BCR: variants seen among roughly 807,000 people sequenced by gnomAD.
BCR encodes breakpoint cluster region protein.
BCR carries 58 observed loss-of-function variants against 138.6 expected under a neutral mutation model. That is an observed-to-expected ratio of 0.42 (90% CI 0.34 to 0.52). The LOEUF is 0.52. Ranked by LOEUF, BCR falls within the 20% of genes least tolerant of loss-of-function variation. The pLI is 0.06. For synonymous variants in BCR, 786 were observed against 730.1 expected (o/e 1.08, Z -1.23); for missense variants, 1,599 against 1,727.2 (o/e 0.93, Z 1.32).
At chr22:23,182,977 G>C (rs1261280974) in intron 1 of BCR, among the ~76,000 whole-genome samples, 1 of 152,156 alleles carries the variant, frequency 6.6e-6, no homozygotes. Flanking sequence ...TTCACCACCA[G>C]GCTCCTCCAT....
At chr22:23,296,000 A>G (rs2073841047) in intron 16 of BCR, among the ~76,000 whole-genome samples, 1 of 151,934 alleles carries the variant, frequency 6.6e-6, no homozygotes, top group African/African-American at 2.4e-5. Context: ...TTGGCTTTCC[A>G]CATGCCCCTA....
At chr22:23,209,057 C>T (rs2072650085) in intron 1 of BCR, among the ~76,000 whole-genome samples, 1 of 151,936 alleles carries the variant, frequency 6.6e-6, no homozygotes, top group Non-Finnish European at 1.5e-5. Context: ...TTGTAGCATG[C>T]ATTAGAATCT....
intron 1 of BCR, among the ~76,000 whole-genome samples, chr22:23,237,514 T>A (rs1463588098): frequency 6.6e-6 from 1 of 152,240 alleles, no homozygotes; most frequent in Non-Finnish European, 1.5e-5. Flanking sequence ...CTCTCTCTCC[T>A]CTTGCATCTG....
intron 4 of BCR, chr22:23,262,941 A>C: frequency 9.2e-7 from 1 of 1,081,400 alleles, no homozygotes; most frequent in Non-Finnish European, 1.1e-6. Flanking sequence ...GGGAGGCGGA[A>C]GCGTGGAGGA....
intron 7 of BCR, among the ~76,000 whole-genome samples, chr22:23,273,372 C>T (rs994653477): frequency 6.6e-6 from 1 of 152,156 alleles, no homozygotes; most frequent in Non-Finnish European, 1.5e-5. Context: ...GTTGAGAAAC[C>T]CTGCCCTAGA....
chr22:23,263,233 T>C, intron 4 of BCR: 1 of 1,018,002 alleles, frequency 9.8e-7, no homozygotes, highest in African/African-American at 1.6e-5. Context: ...CCGGAAGTGC[T>C]GCTGCTGCAC....
At chr22:23,309,130 C>CG (rs1268212487) in intron 16 of BCR, among the ~76,000 whole-genome samples, 3 of 151,840 alleles carry the variant, frequency 2.0e-5, no homozygotes, top group Non-Finnish European at 4.4e-5. Flanking sequence ...TGATGGAAGC[C>CG]GGATGGAGAG....
chr22:23,234,419 A>AG (rs930569876), intron 1 of BCR, among the ~76,000 whole-genome samples: 24 of 152,302 alleles, frequency 1.6e-4, no homozygotes, highest in African/African-American at 5.8e-4. Flanking sequence ...TGGCCTGAGG[A>AG]GGGACCAGAC....
chr22:23,187,265 G>T, intron 1 of BCR, among the ~76,000 whole-genome samples: 1 of 147,436 alleles, frequency 6.8e-6, no homozygotes. Flanking sequence ...TTTTTTTTAA[G>T]TGGCTTAAAA....
intron 1 of BCR, among the ~76,000 whole-genome samples, chr22:23,188,223 C>A (rs977858648): frequency 1.3e-5 from 2 of 152,190 alleles, no homozygotes; most frequent in Non-Finnish European, 1.5e-5. Context: ...GAAGCAGAGT[C>A]TAGATCAAAT....
At chr22:23,313,916 A>T in intron 20 of BCR, 52 bp from the exon 21 acceptor site, 1 of 1,446,068 alleles carries the variant, frequency 6.9e-7, no homozygotes. Context: ...ACACCTCGGG[A>T]GAGGTCTCTG....
chr22:23,206,551 T>TG (rs1333142880), intron 1 of BCR, among the ~76,000 whole-genome samples: 5 of 146,990 alleles, frequency 3.4e-5, no homozygotes, highest in African/African-American at 1.3e-4. Flanking sequence ...CACTCCAGCC[T>TG]GGGCAACATA....
intron 1 of BCR, among the ~76,000 whole-genome samples, chr22:23,235,626 G>A (rs543034335): frequency 2.0e-5 from 3 of 152,290 alleles, no homozygotes; most frequent in East Asian, 3.9e-4. Context: ...GGGTGTGCAT[G>A]TCAGATTTTT....
chr22:23,247,333 G>T (rs2073168153), intron 1 of BCR, among the ~76,000 whole-genome samples: 1 of 152,194 alleles, frequency 6.6e-6, no homozygotes, highest in Admixed American at 6.5e-5. Flanking sequence ...CTAGTCTTTG[G>T]CTGCCAGTGT....
intron 1 of BCR, among the ~76,000 whole-genome samples, chr22:23,224,009 C>A (rs1007771751): frequency 6.6e-6 from 1 of 152,148 alleles, no homozygotes; most frequent in South Asian, 2.1e-4. Context: ...CTTATCTCAC[C>A]CGCTGGTTTG....
intron 4 of BCR, chr22:23,264,273 C>T (rs1430058761): frequency 3.3e-6 from 3 of 915,794 alleles, no homozygotes; most frequent in South Asian, 2.6e-5. Context: ...CCTCGGCAGC[C>T]CTGTGTACTG....
At chr22:23,265,844 A>G (rs977213063) in intron 4 of BCR, among the ~76,000 whole-genome samples, 2 of 152,230 alleles carry the variant, frequency 1.3e-5, no homozygotes, top group Non-Finnish European at 2.9e-5. Flanking sequence ...GGACATTCCT[A>G]TAACTCACAG....
At chr22:23,274,931 A>G (rs2073557063) in intron 8 of BCR, among the ~76,000 whole-genome samples, 1 of 146,252 alleles carries the variant, frequency 6.8e-6, no homozygotes, top group Non-Finnish European at 1.5e-5. Context: ...AAAAAAAAAA[A>G]GAGAACCACC....
chr22:23,223,880 T>C (rs1266929743), intron 1 of BCR, among the ~76,000 whole-genome samples: 2 of 152,170 alleles, frequency 1.3e-5, no homozygotes, highest in African/African-American at 4.8e-5. Flanking sequence ...CCCCGCTAAA[T>C]GATTCCTGGC....
Sources: allele counts gnomAD v4.1 joint callset (sites outside exome capture counted in the v4.1 genomes callset), GRCh38; gene constraint gnomAD v4.1.1; transcripts MANE v1.5; gene names NCBI Gene and HGNC (gene_info 2026-07-23, HGNC 2026-07-21).